Variants in SPAG16 observed in about 807,000 individuals in gnomAD.
The protein encoded by SPAG16 is sperm associated antigen 16.
A neutral mutation model predicts 80.4 loss-of-function variants in SPAG16; 86 were observed. The observed-to-expected ratio is 1.07, with a 90% CI of 0.90 to 1.28. The LOEUF is 1.28. SPAG16 is among the 50% of genes most tolerant of loss of function. The pLI is 0.00. For missense variants in SPAG16, 870 were observed against 765.3 expected (o/e 1.14, Z -1.61); for synonymous variants, 294 against 265.9 (o/e 1.11, Z -1.03).
chr2:213,489,593 T>C (rs1324162983), intron 9 of SPAG16, among the ~76,000 whole-genome samples: 1 of 152,106 alleles, frequency 6.6e-6, no homozygotes, highest in East Asian at 1.9e-4. Context: ...GGCATAAGAA[T>C]TGTAGACTTT....
At chr2:213,878,026 A>G (rs531525995) in intron 11 of SPAG16, among the ~76,000 whole-genome samples, 34 of 152,240 alleles carry the variant, frequency 2.2e-4, no homozygotes, top group African/African-American at 7.7e-4. Context: ...TCTCCAACAC[A>G]AGCACTTTGT....
chr2:213,666,674 G>A (rs1303713708), intron 10 of SPAG16, among the ~76,000 whole-genome samples: 2 of 152,090 alleles, frequency 1.3e-5, no homozygotes, highest in South Asian at 2.1e-4. Context: ...ACTGCTATTC[G>A]TTTTACAGAA....
rs557517465 is a variant in SPAG16 at position 213,818,303 on chromosome 2, G to C, written c.1071-44182G>C. On this transcript the variant is annotated intron_variant, in intron 10 of 15. Transcript: ENST00000331683. Reference sequence around the variant, plus strand: ...TATGACAACCATTGTTCACAGTAAAGTTCCACCCCTCACCTTCCTGCCACC... The same window carrying C: ...TATGACAACCATTGTTCACAGTAAACTTCCACCCCTCACCTTCCTGCCACC... Among the ~76,000 whole-genome samples the C allele has an allele frequency of 1.8e-4, 27 of 152,272 alleles. 1 individual carries two copies. The highest frequency in any genetic ancestry group is 6.0e-4 in the African/African-American group (25 of 41,566).
At chr2:213,520,904 C>A (rs1232613122) in intron 10 of SPAG16, among the ~76,000 whole-genome samples, 1 of 152,150 alleles carries the variant, frequency 6.6e-6, no homozygotes. Context: ...TGGACAAATC[C>A]TGCTCTTGAT....
intron 11 of SPAG16, among the ~76,000 whole-genome samples, chr2:213,878,895 G>T (rs973462045): frequency 1.3e-5 from 2 of 151,978 alleles, no homozygotes; most frequent in Admixed American, 1.3e-4. Flanking sequence ...CACCATTTTT[G>T]AAAAGGGTGC....
intron 12 of SPAG16, among the ~76,000 whole-genome samples, chr2:213,950,863 C>T (rs1475708702): frequency 6.6e-6 from 1 of 151,788 alleles, no homozygotes; most frequent in African/African-American, 2.4e-5. Context: ...CTTGTGCCAA[C>T]ATGCCCTGCT....
chr2:213,457,243 C>G (rs1460301106), intron 9 of SPAG16, among the ~76,000 whole-genome samples: 1 of 152,150 alleles, frequency 6.6e-6, no homozygotes, highest in East Asian at 1.9e-4. Context: ...GCTTTGCTAG[C>G]ATTCCTCTTT....
At chr2:213,643,969 T>C (rs1357035066) in intron 10 of SPAG16, among the ~76,000 whole-genome samples, 1 of 150,540 alleles carries the variant, frequency 6.6e-6, no homozygotes, top group South Asian at 2.1e-4. Flanking sequence ...TTAGTAGAGA[T>C]GGAGTTTCAC....
chr2:213,399,088 T>C (rs2068190413), intron 9 of SPAG16, among the ~76,000 whole-genome samples: 2 of 152,100 alleles, frequency 1.3e-5, no homozygotes, highest in Non-Finnish European at 2.9e-5. Flanking sequence ...AGTTGTGACT[T>C]TCATTTTTCA....
At chr2:214,166,470 C>T (rs1278063583) in intron 15 of SPAG16, among the ~76,000 whole-genome samples, 2 of 152,288 alleles carry the variant, frequency 1.3e-5, no homozygotes, top group East Asian at 3.9e-4. Flanking sequence ...CTACAGCTCC[C>T]ATCAGGCCGA....
At chr2:214,320,666 G>A (rs1696031491) in intron 15 of SPAG16, among the ~76,000 whole-genome samples, 1 of 152,184 alleles carries the variant, frequency 6.6e-6, no homozygotes, top group Non-Finnish European at 1.5e-5. Context: ...TGCAAAGGGG[G>A]CAGGGCGCCT....
chr2:214,341,016 CAG>C (rs1250194390), intron 15 of SPAG16, among the ~76,000 whole-genome samples: 2 of 152,088 alleles, frequency 1.3e-5, no homozygotes, highest in Non-Finnish European at 2.9e-5. Context: ...CATTGGAAAA[CAG>C]AGAGATCTTT....
chr2:213,356,390 G>T (rs35501630), intron 7 of SPAG16, among the ~76,000 whole-genome samples: 3 of 152,262 alleles, frequency 2.0e-5, no homozygotes, highest in East Asian at 1.9e-4. Context: ...ACTTTATTTG[G>T]TTGGTAGGTT....
intron 15 of SPAG16, among the ~76,000 whole-genome samples, chr2:214,210,247 G>A (rs7566862): frequency 1.0e-3 from 151 of 151,230 alleles, no homozygotes; most frequent in Non-Finnish European, 1.6e-3. Flanking sequence ...ATTGACCCTC[G>A]AACATGTTTG....
At chr2:214,048,570 C>T (rs572016692) in intron 13 of SPAG16, among the ~76,000 whole-genome samples, 18 of 149,180 alleles carry the variant, frequency 1.2e-4, no homozygotes, top group African/African-American at 3.7e-4. Flanking sequence ...GGGTAGTAGA[C>T]GGGTGGCGGG....
intron 15 of SPAG16, among the ~76,000 whole-genome samples, chr2:214,193,487 C>T (rs1342387189): frequency 1.4e-5 from 2 of 147,826 alleles, no homozygotes; most frequent in East Asian, 4.0e-4. Context: ...AAAGCTATGT[C>T]TGCCAAGATT....
intron 5 of SPAG16, among the ~76,000 whole-genome samples, chr2:213,323,614 C>A (rs1400324502): frequency 1.3e-5 from 2 of 152,128 alleles, no homozygotes; most frequent in Admixed American, 6.6e-5. Context: ...AAATCCCACT[C>A]CTGGGTATTT....
At chr2:213,473,420 G>T (rs1296607921) in intron 9 of SPAG16, among the ~76,000 whole-genome samples, 1 of 152,060 alleles carries the variant, frequency 6.6e-6, no homozygotes, top group African/African-American at 2.4e-5. Context: ...CAAAGATGCG[G>T]GTGCTATCCT....
At chr2:214,223,194 A>G (rs1454642800) in intron 15 of SPAG16, among the ~76,000 whole-genome samples, 1 of 152,142 alleles carries the variant, frequency 6.6e-6, no homozygotes, top group Non-Finnish European at 1.5e-5. Flanking sequence ...ATCTATGTTA[A>G]GTCTTAATTC....
Sources: allele counts gnomAD v4.1 joint callset (sites outside exome capture counted in the v4.1 genomes callset), GRCh38; gene constraint gnomAD v4.1.1; transcripts MANE v1.5; gene names NCBI Gene and HGNC (gene_info 2026-07-23, HGNC 2026-07-21).